RBM19: variants seen among roughly 807,000 people sequenced by gnomAD.
RBM19 encodes probable RNA-binding protein 19.
RBM19 carries 94 observed loss-of-function variants against 116.8 expected under a neutral mutation model. The ratio of observed to expected loss-of-function variants is 0.80; its 90% confidence interval spans 0.68 to 0.95. The LOEUF is 0.95. Ranked by LOEUF, RBM19 falls within the 40% of genes least tolerant of loss-of-function variation. The pLI is 0.00. For synonymous variants in RBM19, 475 were observed against 494.1 expected, an observed-to-expected ratio of 0.96 and a Z score of 0.51; for missense variants, 1,161 against 1,220.7, an observed-to-expected ratio of 0.95 and a Z score of 0.73.
intron 21 of RBM19, among the ~76,000 whole-genome samples, chr12:113,889,612 C>T (rs1194286513): frequency 6.6e-6 from 1 of 152,046 alleles, no homozygotes; most frequent in Non-Finnish European, 1.5e-5. Flanking sequence ...CACCACACAT[C>T]TGCTTTCTAG....
intron 22 of RBM19, among the ~76,000 whole-genome samples, chr12:113,848,554 GGGA>G (rs1877179970): frequency 6.6e-6 from 1 of 152,206 alleles, no homozygotes; most frequent in Non-Finnish European, 1.5e-5. Flanking sequence ...AAGGCAGGTG[GGGA>G]GGAGGAGGAA....
intron 21 of RBM19, 78 bp downstream of exon 21, chr12:113,914,891 C>A: frequency 7.7e-7 from 1 of 1,301,644 alleles, no homozygotes; most frequent in South Asian, 1.2e-5. Flanking sequence ...ATCCAGGACC[C>A]AAAGGCCATC....
intron 7 of RBM19, among the ~76,000 whole-genome samples, chr12:113,954,318 T>A (rs911445028): frequency 1.3e-5 from 2 of 151,886 alleles, no homozygotes; most frequent in South Asian, 2.1e-4. Flanking sequence ...ATAATAATAA[T>A]AAAAACTAAA....
chr12:113,946,533 C>T, intron 11 of RBM19, 58 bp from the exon 12 acceptor site: 1 of 1,609,864 alleles, frequency 6.2e-7, no homozygotes, highest in Non-Finnish European at 8.5e-7. Context: ...GCCCTGCTTC[C>T]TGCCGAAGGA....
At chr12:113,904,008 T>C (rs527240947) in intron 21 of RBM19, among the ~76,000 whole-genome samples, 2 of 152,342 alleles carry the variant, frequency 1.3e-5, no homozygotes, top group East Asian at 3.9e-4. Context: ...AAGATCTTTT[T>C]TTTGAAATAA....
downstream of RBM19, among the ~76,000 whole-genome samples, chr12:113,821,489 C>T (rs1041280130): frequency 1.3e-4 from 20 of 152,162 alleles, no homozygotes; most frequent in Admixed American, 5.9e-4. Flanking sequence ...CCTGTCATTC[C>T]GCATGACCTA....
At chr12:113,946,610 T>C in intron 11 of RBM19, 135 bp from the exon 12 acceptor site, 1 of 1,214,388 alleles carries the variant, frequency 8.2e-7, no homozygotes, top group South Asian at 1.4e-5. Flanking sequence ...GGGAGGGAGG[T>C]CAGGTAGAAC....
intron 21 of RBM19, among the ~76,000 whole-genome samples, chr12:113,904,852 G>A (rs967287483): frequency 1.2e-4 from 19 of 152,238 alleles, no homozygotes; most frequent in African/African-American, 3.6e-4. Context: ...AGACTTTCCC[G>A]TCCCCGAATG....
intron 20 of RBM19, 43 bp downstream of exon 20, chr12:113,918,349 G>A (rs1193784211): frequency 3.1e-6 from 5 of 1,606,718 alleles, no homozygotes; most frequent in Non-Finnish European, 4.3e-6. Flanking sequence ...AGCACAGGAA[G>A]CCCCAGCTCG....
chr12:113,918,362 G>T (rs61360948), intron 20 of RBM19, 30 bp downstream of exon 20: 1 of 1,613,350 alleles, frequency 6.2e-7, no homozygotes, highest in South Asian at 1.1e-5. Flanking sequence ...CCAGCTCGTA[G>T]GAAAGGAAAT....
intron 13 of RBM19, among the ~76,000 whole-genome samples, chr12:113,943,155 A>G (rs1000398708): frequency 6.6e-6 from 1 of 152,114 alleles, no homozygotes; most frequent in African/African-American, 2.4e-5. Context: ...GTGACACCCT[A>G]TCCCTCCCTT....
chr12:113,946,625 C>T, intron 11 of RBM19, 150 bp from the exon 12 acceptor site: 2 of 949,474 alleles, frequency 2.1e-6, no homozygotes, highest in East Asian at 2.6e-5. Context: ...TAGAACGTGG[C>T]CACTCTCTTC....
chr12:113,959,603 C>A (rs1248139039), intron 4 of RBM19, among the ~76,000 whole-genome samples, 199 bp from the exon 5 acceptor site: 1 of 152,178 alleles, frequency 6.6e-6, no homozygotes, highest in East Asian at 1.9e-4. Context: ...CCTCACTAGA[C>A]AAAACTAAGA....
rs1171065138 is a variant in RBM19 at position 113,918,375 on chromosome 12, G to A, written c.2441+17C>T. The A allele has an allele frequency of 1.9e-6, 3 of 1,614,090 alleles. No homozygotes were observed. The highest frequency in any genetic ancestry group is 1.7e-6 in the Non-Finnish European group (2 of 1,179,942). On this transcript the variant is annotated intron_variant, in intron 20 of 23. Coordinates refer to ENST00000261741, the MANE Select transcript of RBM19 (RefSeq NM_016196.4). ...CCCCAGCTCGTAGGAAAGGAAATGA[G>A]GACACTGAAGACTCACTTAGTGGCT... is the stretch of plus-strand genomic sequence containing the variant.
chr12:113,903,184 G>C lies in RBM19; in HGVS notation c.2558+11785C>G, dbSNP rs1881812432. Among the ~76,000 whole-genome samples the C allele has an allele frequency of 6.6e-6, 1 of 152,190 alleles. No homozygotes were observed. Among genetic ancestry groups the C allele is most frequent in the African/African-American group, 2.4e-5 (1 of 41,450 alleles). Reference sequence around the variant, plus strand: ...CTCATGGGTACCAAAATCCAAGGATGCTCAAGTCCCTTCTGCATTATTTTC... The same window carrying C: ...CTCATGGGTACCAAAATCCAAGGATCCTCAAGTCCCTTCTGCATTATTTTC... On this transcript the variant is annotated intron_variant, in intron 21 of 23. Transcript: ENST00000261741. The surrounding 1 kb of genome is among the most constrained non-coding windows in gnomAD (Gnocchi z 5.1).
At chr12:113,819,741 T>C (rs1225475535), downstream of RBM19, among the ~76,000 whole-genome samples, 1 of 152,170 alleles carries the variant, frequency 6.6e-6, no homozygotes, top group Non-Finnish European at 1.5e-5. Context: ...CCCCACATGC[T>C]GGATGGAGGA....
At chr12:113,835,810 G>A (rs1365502999) in intron 23 of RBM19, among the ~76,000 whole-genome samples, 1 of 152,212 alleles carries the variant, frequency 6.6e-6, no homozygotes, top group East Asian at 1.9e-4. Flanking sequence ...GAAAGGTAGA[G>A]ACGCTAACCA....
intron 21 of RBM19, among the ~76,000 whole-genome samples, chr12:113,907,455 C>T (rs1039487506): frequency 6.6e-6 from 1 of 152,150 alleles, no homozygotes; most frequent in Non-Finnish European, 1.5e-5. Context: ...ACAGGAGGCA[C>T]CCCATGCACA....
intron 21 of RBM19, among the ~76,000 whole-genome samples, chr12:113,869,416 A>G (rs948793608): frequency 2.0e-5 from 3 of 152,120 alleles, no homozygotes; most frequent in Admixed American, 2.0e-4. Context: ...TCCTCTCAGG[A>G]GAGGATGGAG....
Sources: allele counts gnomAD v4.1 joint callset (sites outside exome capture counted in the v4.1 genomes callset), GRCh38; gene constraint gnomAD v4.1.1; non-coding constraint Gnocchi (gnomAD v3.1); transcripts MANE v1.5; gene names NCBI Gene and HGNC (gene_info 2026-07-23, HGNC 2026-07-21).